NMT2: variants seen among roughly 807,000 people sequenced by gnomAD.
NMT2 encodes N-myristoyltransferase 2.
In NMT2, 35 loss-of-function variants were observed where a neutral mutation model predicts 65.4. The ratio of observed to expected loss-of-function variants is 0.54; its 90% CI spans 0.41 to 0.71. NMT2 has a LOEUF of 0.71. NMT2 is among the 30% of genes least tolerant of loss of function. NMT2 has a pLI of 0.00. For synonymous variants in NMT2, 226 were observed against 231.8 expected (o/e 0.98, Z 0.23); for missense variants, 489 against 611.3 (o/e 0.80, Z 2.11).
At chr10:15,165,267 T>C (rs986189332) in intron 1 of NMT2, among the ~76,000 whole-genome samples, 5 of 152,126 alleles carry the variant, frequency 3.3e-5, no homozygotes, top group East Asian at 3.9e-4. Context: ...ATAATTCATA[T>C]AGGAAGCTGG....
chr10:15,130,944 C>T (rs1465205311), intron 6 of NMT2, among the ~76,000 whole-genome samples: 2 of 151,918 alleles, frequency 1.3e-5, no homozygotes, highest in Non-Finnish European at 2.9e-5. Context: ...TGCACGCCAC[C>T]ATGCCCAGCT....
rs758389575 is a variant in NMT2, at chr10:15,128,369, T to C, written c.980A>G (p.Lys327Arg). Residue 327 changes from lysine (K) to arginine (R), a missense_variant, in exon 8 of 12, where the codon AAG becomes AGG. Physicochemically the swap from Lys to Arg is conservative, Grantham distance 26. Coordinates refer to ENST00000378165, the MANE Select transcript of NMT2 (RefSeq NM_004808.3). ...ACTTACATCTGGAAGTCTGTATAGC[T>C]TCATTGTTCTCTGTAAAGTCATATT... The part of the protein sequence containing the change: ...SRNMTLQRTM[K>R]LYRLPDVTKT... 6.3e-7 allele frequency: 1 copy of C among 1,596,358 alleles called. No homozygotes were observed. Among genetic ancestry groups the C allele is most frequent in the Non-Finnish European group, 8.6e-7 (1 of 1,164,312 alleles).
At chr10:15,113,606 A>G (rs1589291566) in intron 9 of NMT2, among the ~76,000 whole-genome samples, 1 of 152,114 alleles carries the variant, frequency 6.6e-6, no homozygotes, top group African/African-American at 2.4e-5. Flanking sequence ...TTTTGCAGAA[A>G]TAAAAGCTTT....
intron 1 of NMT2, among the ~76,000 whole-genome samples, chr10:15,148,531 G>GA (rs1847039355): frequency 6.6e-6 from 1 of 151,994 alleles, no homozygotes; most frequent in Non-Finnish European, 1.5e-5. Flanking sequence ...AATAGTATTA[G>GA]AAAAAATGTG....
rs759619996 is a variant in NMT2 at position 15,128,351 on chromosome 10, T to C, written c.998A>G (p.Asp333Gly). The C allele has an allele frequency of 1.7e-5, 26 of 1,523,738 alleles. No individual in the cohort carries two copies. In the South Asian group the frequency reaches 2.5e-4, roughly 15 times the overall value. 94.4% of individuals were successfully genotyped at this position (1,523,738 alleles called of 1,614,324 possible). Reference sequence around the variant, plus strand: ...AAACTGCAAATCATTCTTACTTACATCTGGAAGTCTGTATAGCTTCATTGT... The same window carrying C: ...AAACTGCAAATCATTCTTACTTACACCTGGAAGTCTGTATAGCTTCATTGT... ...QRTMKLYRLP[D>G]VTKTSGLRPM... Residue 333 changes from aspartate (D) to glycine (G), a missense_variant and splice_region_variant, in exon 8 of 12, where the codon GAT becomes GGT. Physicochemically the swap from Asp to Gly is moderately conservative, Grantham distance 94. Transcript: ENST00000378165.
Position 15,108,466 on chromosome 10 carries a change from T to A in NMT2, c.*729A>T, listed in dbSNP as rs1175340328. ...TCCCAAAGTGCTGGGATTACAGGCG[T>A]GAGCCACCACGCCCGGCCTCAGGCT... On this transcript the variant is annotated 3_prime_UTR_variant, in exon 12 of 12. Coordinates refer to ENST00000378165, the MANE Select transcript of NMT2 (RefSeq NM_004808.3). The A allele has an allele frequency of 1.0e-6, 1 of 979,932 alleles. No homozygotes were observed. Among genetic ancestry groups the A allele is most frequent in the Non-Finnish European group, 1.2e-6 (1 of 825,288 alleles). 60.7% of individuals were successfully genotyped at this position (979,932 alleles called of 1,614,324 possible). A position where few individuals can be genotyped will look rare whatever the true frequency, so the allele number is the denominator to read the frequency against.
rs1180155571 is a variant in NMT2 at position 15,130,147 on chromosome 10, T to C, written c.885A>G (p.Thr295=). 7 of 1,508,742 alleles carry C rather than the reference T, an allele frequency of 4.6e-6. No homozygotes were observed. Among genetic ancestry groups the C allele is most frequent in the Admixed American group, 4.3e-5 (2 of 46,818 alleles). 93.5% of individuals were successfully genotyped at this position (1,508,742 alleles called of 1,614,324 possible). The change falls in exon 7 of 12, where the codon ACA becomes ACG. Residue 295 remains threonine (T), a synonymous_variant. Coordinates refer to ENST00000378165, the MANE Select transcript of NMT2 (RefSeq NM_004808.3). ...TAGAAATATGGTACTGGTACCTGCA[T>C]GTGGCTATGGGCTTAGGAAGAACCA... The part of the protein sequence containing the change: ...AGVVLPKPIA[T]CRYWHRSLNP...
intron 10 of NMT2, among the ~76,000 whole-genome samples, chr10:15,111,232 C>T (rs1258613110): frequency 6.6e-6 from 1 of 150,784 alleles, no homozygotes; most frequent in Admixed American, 6.6e-5. Flanking sequence ...GTATGCAGGC[C>T]GGGCGTGGTG....
intron 1 of NMT2, among the ~76,000 whole-genome samples, chr10:15,159,288 C>A (rs898988121): frequency 6.6e-6 from 1 of 152,162 alleles, no homozygotes. Flanking sequence ...GTTAGAAAGA[C>A]AGATGGACCT....
chr10:15,131,110 A>G (rs1846271253), intron 6 of NMT2, among the ~76,000 whole-genome samples: 1 of 152,092 alleles, frequency 6.6e-6, no homozygotes, highest in Non-Finnish European at 1.5e-5. Context: ...ATTCTTTAAC[A>G]CAATATTTAA....
At chr10:15,116,374 C>T (rs1845745801) in intron 9 of NMT2, among the ~76,000 whole-genome samples, 1 of 152,038 alleles carries the variant, frequency 6.6e-6, no homozygotes. Flanking sequence ...AATACATAGA[C>T]GTGAATGACA....
rs138554246 is a variant in NMT2, at chr10:15,134,891, A to G, written c.391+383T>C. ...CAGATACATGGGAGGCTGACATGGGAGGATGGATCACTTGAGCCCAGGAGG... is the reference window on the plus strand; with the variant it reads ...CAGATACATGGGAGGCTGACATGGGGGGATGGATCACTTGAGCCCAGGAGG... On this transcript the variant is annotated intron_variant, in intron 3 of 11. Coordinates refer to ENST00000378165, the MANE Select transcript of NMT2 (RefSeq NM_004808.3). Among the ~76,000 whole-genome samples, 766 of 152,108 alleles carry G rather than the reference A, an allele frequency of 5.0e-3. 3 individuals are homozygous for G. Among genetic ancestry groups the G allele is most frequent in the Non-Finnish European group, 8.9e-3 (605 of 67,958 alleles).
chr10:15,122,558 T>C (rs986308142), intron 8 of NMT2, among the ~76,000 whole-genome samples: 4 of 152,146 alleles, frequency 2.6e-5, no homozygotes, highest in African/African-American at 7.2e-5. Flanking sequence ...TAGCTAGGAT[T>C]ACAAGCACGT....
At chr10:15,111,704 C>T (rs1307385096) in intron 10 of NMT2, 1 of 151,476 alleles carries the variant, frequency 6.6e-6, no homozygotes, top group Non-Finnish European at 1.5e-5. Context: ...CCTTAAATAA[C>T]TAATTACTGG....
intron 8 of NMT2, among the ~76,000 whole-genome samples, chr10:15,127,087 CAGTT>C (rs1198298733): frequency 6.7e-6 from 1 of 149,796 alleles, no homozygotes; most frequent in Non-Finnish European, 1.5e-5. Flanking sequence ...ATACAAAAAT[CAGTT>C]GGGTGTGGTG....
chr10:15,128,516 T>A (rs1316844274), intron 7 of NMT2, 58 bp from the exon 8 acceptor site: 1 of 1,090,598 alleles, frequency 9.2e-7, no homozygotes, highest in Non-Finnish European at 1.4e-6. Flanking sequence ...AAGTTTTCAC[T>A]CTTTGTCTCA....
At chr10:15,158,494 G>T (rs1833078672) in intron 1 of NMT2, among the ~76,000 whole-genome samples, 1 of 152,006 alleles carries the variant, frequency 6.6e-6, no homozygotes, top group South Asian at 2.1e-4. Flanking sequence ...ATAAAATAAA[G>T]ACAATTTGAA....
intron 8 of NMT2, 104 bp from the exon 9 acceptor site, chr10:15,119,617 C>A: frequency 1.1e-6 from 1 of 893,736 alleles, no homozygotes; most frequent in South Asian, 1.5e-5. Context: ...ATGAGCAGCA[C>A]GCGGGAGCTA....
chr10:15,124,927 G>A (rs918078909), intron 8 of NMT2, among the ~76,000 whole-genome samples: 7 of 152,216 alleles, frequency 4.6e-5, no homozygotes, highest in African/African-American at 7.2e-5. Flanking sequence ...CTTGACAATC[G>A]TCCTTTTCTG....
Sources: gnomAD v4.1 joint callset for allele counts (sites outside exome capture counted in the v4.1 genomes callset) on GRCh38, gnomAD v4.1.1 for gene constraint, MANE v1.5 for transcripts, NCBI Gene and HGNC (gene_info 2026-07-23, HGNC 2026-07-21) for gene names.